The following TET2 variants were observed in gnomAD, a reference collection of about 807,000 sequenced individuals.
TET2 encodes tet methylcytosine dioxygenase 2, also known as methylcytosine dioxygenase TET2.
Under a neutral mutation model 142.9 loss-of-function variants are expected in TET2, and 299 were observed. The observed-to-expected ratio is 2.09, with a 90% CI of 1.90 to 2.30. The LOEUF (loss-of-function observed/expected upper bound fraction) is 2.30. TET2 is among the 30% of genes most tolerant of loss of function. The pLI is 0.00. For missense variants in TET2, 2,418 were observed against 2,378.0 expected, an observed-to-expected ratio of 1.02 and a Z score of -0.35; for synonymous variants, 819 against 849.0, an observed-to-expected ratio of 0.96 and a Z score of 0.61.
At chr4:105,219,817 C>T (rs908061388) in intron 2 of TET2, among the ~76,000 whole-genome samples, 9 of 151,714 alleles carry the variant, frequency 5.9e-5, no homozygotes, top group Admixed American at 2.6e-4. Context: ...TGAGATTTAC[C>T]CTCATTATAT....
Position 105,234,418 on chromosome 4 carries a change from C to A in TET2, c.476C>A (p.Ala159Glu), listed in dbSNP as rs2110221295. ...ESVSSVAQEN[A>E]VKDFTSFSTH... ...GTGAGTTCTGTAGCCCAAGAAAATG[C>A]AGTTAAAGATTTCACCAGTTTTTCA... Residue 159 changes from alanine (A) to glutamate (E), a missense_variant, in exon 3 of 11, where the codon GCA becomes GAA. Ala to Glu is a moderately radical substitution (Grantham distance 107). Coordinates refer to ENST00000380013, the MANE Select transcript of TET2 (RefSeq NM_001127208.3). 6.2e-7 allele frequency: 1 copy of A among 1,613,936 alleles called. No individual in the cohort carries two copies. Among genetic ancestry groups the A allele is most frequent in the Admixed American group, 1.7e-5 (1 of 59,960 alleles).
intron 1 of TET2, among the ~76,000 whole-genome samples, chr4:105,163,806 C>CGAGAGAGAGAGAGAGAGA (rs59658275): frequency 2.1e-4 from 17 of 79,790 alleles, no homozygotes; most frequent in Non-Finnish European, 3.0e-4. Context: ...TCGAAAGTTT[C>CGAGAGAGAGAGAGAGAGA]GAGAGAGAGA....
chr4:105,200,162 A>G (rs1726361915), intron 2 of TET2, among the ~76,000 whole-genome samples: 1 of 152,192 alleles, frequency 6.6e-6, no homozygotes, highest in South Asian at 2.1e-4. Flanking sequence ...TCCCACCAAT[A>G]GCATATAAGT....
chr4:105,210,293 C>G (rs1353105648), intron 2 of TET2, among the ~76,000 whole-genome samples: 3 of 152,138 alleles, frequency 2.0e-5, no homozygotes, highest in Non-Finnish European at 4.4e-5. Context: ...AAATTGTTAT[C>G]TCAATATCTT....
chr4:105,232,845 AGTAC>A (rs1281706281), intron 2 of TET2, among the ~76,000 whole-genome samples: 2 of 152,314 alleles, frequency 1.3e-5, no homozygotes, highest in African/African-American at 4.8e-5. Flanking sequence ...TTTTTCATAA[AGTAC>A]ACTTTTCATC....
upstream of TET2, chr4:105,146,353 CA>C (rs1342252489): frequency 1.3e-5 from 2 of 152,824 alleles, no homozygotes; most frequent in Admixed American, 1.3e-4. Flanking sequence ...CTTCTTCTCC[CA>C]GGGGTGGAGA....
At chr4:105,242,534 T>C (rs952390083) in intron 4 of TET2, 3 of 1,152,060 alleles carry the variant, frequency 2.6e-6, no homozygotes, top group Non-Finnish European at 2.2e-6. Flanking sequence ...CTTAGCAAAC[T>C]AACCTGAATT....
intron 1 of TET2, among the ~76,000 whole-genome samples, chr4:105,166,192 A>C (rs1474158890): frequency 1.3e-5 from 2 of 152,138 alleles, no homozygotes; most frequent in Non-Finnish European, 2.9e-5. Context: ...GAAAAGGAAA[A>C]AGTGATCCTG....
Position 105,236,993 on chromosome 4 carries a change from T to C in TET2, c.3051T>C (p.Asp1017=). 1 of 1,614,150 alleles carries C rather than the reference T, an allele frequency of 6.2e-7. No homozygotes were observed. Among genetic ancestry groups the C allele is most frequent in the Non-Finnish European group, 8.5e-7 (1 of 1,180,022 alleles). ...AAGAGAATCCACCTGCAAGCTGTGA[T>C]AATGTGCAGCAAAAGAGCATCATTG... The part of the protein sequence containing the change: ...TKQENPPASC[D]NVQQKSIIET... The change falls in exon 3 of 11, where the codon GAT becomes GAC. Residue 1017 remains aspartate (D), a synonymous_variant. Transcript: ENST00000380013.
chr4:105,195,988 G>A (rs971218337), intron 2 of TET2, among the ~76,000 whole-genome samples: 1 of 152,180 alleles, frequency 6.6e-6, no homozygotes, highest in African/African-American at 2.4e-5. Context: ...CTTAAGTCCT[G>A]CTCACCAGCT....
At chr4:105,253,352 G>C (rs1729964187) in intron 6 of TET2, among the ~76,000 whole-genome samples, 1 of 151,888 alleles carries the variant, frequency 6.6e-6, no homozygotes, top group African/African-American at 2.4e-5. Context: ...TCCTTCATTA[G>C]AATTTTGCAT....
At chr4:105,228,207 T>G (rs1254715636) in intron 2 of TET2, among the ~76,000 whole-genome samples, 2 of 152,100 alleles carry the variant, frequency 1.3e-5, no homozygotes, top group Admixed American at 6.5e-5. Flanking sequence ...ATTTTTCTCC[T>G]TCTAAAATGG....
At chr4:105,148,403 A>C (rs1723141271) in intron 1 of TET2, among the ~76,000 whole-genome samples, 1 of 152,208 alleles carries the variant, frequency 6.6e-6, no homozygotes, top group Non-Finnish European at 1.5e-5. Flanking sequence ...AGTGGAATAC[A>C]TTCATGAATT....
intron 1 of TET2, among the ~76,000 whole-genome samples, chr4:105,183,405 TTG>T (rs1367294844): frequency 6.6e-6 from 1 of 152,188 alleles, no homozygotes; most frequent in Non-Finnish European, 1.5e-5. Flanking sequence ...ATAATTTTGC[TTG>T]TGTTTTTATA....
intron 6 of TET2, among the ~76,000 whole-genome samples, chr4:105,249,183 C>T (rs1395577296): frequency 6.6e-6 from 1 of 151,868 alleles, no homozygotes; most frequent in Non-Finnish European, 1.5e-5. Flanking sequence ...TGCACCACCA[C>T]ACCCAGCTAA....
At chr4:105,154,344 A>G (rs1281925860) in intron 1 of TET2, among the ~76,000 whole-genome samples, 3 of 152,218 alleles carry the variant, frequency 2.0e-5, no homozygotes, top group Non-Finnish European at 4.4e-5. Flanking sequence ...GGTTTATTTT[A>G]TGTCAGAAAA....
intron 2 of TET2, among the ~76,000 whole-genome samples, chr4:105,204,419 T>C (rs1726693941): frequency 6.6e-6 from 1 of 152,120 alleles, no homozygotes; most frequent in Non-Finnish European, 1.5e-5. Flanking sequence ...TGCCTAAAAA[T>C]ATTAGACATC....
chr4:105,278,724 C>G lies in TET2; in HGVS notation c.*2205C>G, dbSNP rs1475546919. 4.3e-6 allele frequency: 1 copy of G among 232,114 alleles called. No homozygotes were observed. Among genetic ancestry groups the G allele is most frequent in the Non-Finnish European group, 8.5e-6 (1 of 117,734 alleles). 14.4% of individuals were successfully genotyped at this position (232,114 alleles called of 1,614,324 possible). On this transcript the variant is annotated 3_prime_UTR_variant, in exon 11 of 11. Transcript: ENST00000380013. ...TGAGGAATCTTTTGACTGTTTCAAG[C>G]AGGAAAAAAAAATTACATGAAAATA... is the stretch of plus-strand genomic sequence containing the variant.
At chr4:105,273,156 T>G (rs1455362536) in intron 10 of TET2, among the ~76,000 whole-genome samples, 1 of 152,134 alleles carries the variant, frequency 6.6e-6, no homozygotes, top group Admixed American at 6.5e-5. Flanking sequence ...CAGTGTGTGT[T>G]GTCCCCACTC....
Sources: allele counts gnomAD v4.1 joint callset (sites outside exome capture counted in the v4.1 genomes callset), GRCh38; gene constraint gnomAD v4.1.1; transcripts MANE v1.5; gene names NCBI Gene and HGNC (gene_info 2026-07-23, HGNC 2026-07-21).